CSGALNACT1: variants seen among roughly 807,000 people sequenced by gnomAD.
The protein encoded by CSGALNACT1 is beta4GalNAcT-1.
A neutral mutation model predicts 51.0 loss-of-function variants in CSGALNACT1; 52 were observed. The observed-to-expected ratio is 1.02, with a 90% CI of 0.82 to 1.29. The LOEUF (loss-of-function observed/expected upper bound fraction) is 1.29, where lower values mean the gene tolerates loss of function less well. Among genes scored for constraint, CSGALNACT1 ranks in the 50% most tolerant of loss-of-function variants. The pLI is 0.00. For synonymous variants in CSGALNACT1, 341 were observed against 254.4 expected (o/e 1.34, Z -3.24); for missense variants, 935 against 679.2 (o/e 1.38, Z -4.19).
chr8:19,727,861 C>A lies in CSGALNACT1; in HGVS notation c.-297+29989G>T, dbSNP rs111255909. 7.6e-3 allele frequency among the ~76,000 whole-genome samples: 1,155 copies of A among 152,240 alleles called. 14 individuals are homozygous for A. The highest frequency in any genetic ancestry group is 0.026 in the African/African-American group (1,086 of 41,534). On this transcript the variant is annotated intron_variant, in intron 1 of 1. Coordinates refer to the CSGALNACT1 transcript ENST00000517494. ...TGCCTCTGCCCTGAGGCCTCCTAGGCCTGCTCACCTGGAATGCTCCCCTCA... is the reference window on the plus strand; with the variant it reads ...TGCCTCTGCCCTGAGGCCTCCTAGGACTGCTCACCTGGAATGCTCCCCTCA...
At chr8:19,473,398 G>GT (rs2153877373) in intron 4 of CSGALNACT1, among the ~76,000 whole-genome samples, 1 of 152,222 alleles carries the variant, frequency 6.6e-6, no homozygotes, top group African/African-American at 2.4e-5. Flanking sequence ...ACCCTGCCTT[G>GT]TATAACACCT....
intron 1 of CSGALNACT1, among the ~76,000 whole-genome samples, chr8:19,688,012 T>A (rs538292247): frequency 6.6e-6 from 1 of 152,312 alleles, no homozygotes; most frequent in South Asian, 2.1e-4. Context: ...ATTTACCGTT[T>A]AGAATCTACT....
chr8:19,453,498 T>C (rs1267433712), intron 5 of CSGALNACT1, among the ~76,000 whole-genome samples: 1 of 152,142 alleles, frequency 6.6e-6, no homozygotes, highest in Non-Finnish European at 1.5e-5. Flanking sequence ...ATTGTGTCCA[T>C]GAAACAGAGA....
chr8:19,443,351 T>G (rs1371244781), intron 5 of CSGALNACT1, among the ~76,000 whole-genome samples: 3 of 152,230 alleles, frequency 2.0e-5, no homozygotes, highest in Admixed American at 1.3e-4. Context: ...TACACATATA[T>G]GCATATATTA....
At chr8:19,480,279 G>A (rs898249607) in intron 4 of CSGALNACT1, among the ~76,000 whole-genome samples, 3 of 152,080 alleles carry the variant, frequency 2.0e-5, no homozygotes, top group African/African-American at 7.2e-5. Flanking sequence ...CACCCTCAGA[G>A]GTAGGCACCA....
chr8:19,633,335 C>T (rs1201379783), intron 1 of CSGALNACT1, among the ~76,000 whole-genome samples: 2 of 152,112 alleles, frequency 1.3e-5, no homozygotes. Context: ...AACCATACTA[C>T]TCTCACCCAC....
rs941721024 is a variant in CSGALNACT1, at chr8:19,446,339, A to G, written c.852-6408T>C. 8.5e-5 allele frequency among the ~76,000 whole-genome samples: 13 copies of G among 152,102 alleles called. No individual in the cohort carries two copies. In the Middle Eastern group the frequency reaches 0.01, roughly 119 times the overall value. ...CCTCTGATAGCACTTCTCTATAAAC[A>G]CCTTGGTAAAATTGTCTACGAAGCC... On this transcript the variant is annotated intron_variant, in intron 5 of 9. Coordinates refer to ENST00000454498, the Ensembl canonical transcript of CSGALNACT1.
At chr8:19,428,946 G>C (rs942272623) in intron 6 of CSGALNACT1, among the ~76,000 whole-genome samples, 1 of 151,446 alleles carries the variant, frequency 6.6e-6, no homozygotes, top group Non-Finnish European at 1.5e-5. Context: ...ATTTTAAAGT[G>C]TATAAATCAG....
intron 3 of CSGALNACT1, among the ~76,000 whole-genome samples, chr8:19,556,072 A>T (rs902716129): frequency 6.6e-6 from 1 of 152,192 alleles, no homozygotes; most frequent in Admixed American, 6.5e-5. Flanking sequence ...TTGCATTAAC[A>T]AACAACATAA....
At chr8:19,418,807 T>C (rs2057375715) in intron 7 of CSGALNACT1, 57 bp from the exon 7 acceptor site, 5 of 1,257,944 alleles carry the variant, frequency 4.0e-6, no homozygotes, top group Non-Finnish European at 5.8e-6. Context: ...AGTAGGTTTG[T>C]TCCTTGACAT....
At chr8:19,710,726 A>G (rs2154231609) in intron 1 of CSGALNACT1, among the ~76,000 whole-genome samples, 1 of 152,332 alleles carries the variant, frequency 6.6e-6, no homozygotes, top group East Asian at 1.9e-4. Flanking sequence ...GAAATTGAGT[A>G]GAAACCCTAT....
At chr8:19,580,356 C>A (rs1187037989) in intron 3 of CSGALNACT1, among the ~76,000 whole-genome samples, 1 of 152,190 alleles carries the variant, frequency 6.6e-6, no homozygotes, top group African/African-American at 2.4e-5. Context: ...GACTTTATGA[C>A]CATGGCACTC....
At chr8:19,731,920 G>T (rs756523891) in intron 1 of CSGALNACT1, among the ~76,000 whole-genome samples, 1 of 152,276 alleles carries the variant, frequency 6.6e-6, no homozygotes, top group East Asian at 1.9e-4. Context: ...CTGTCAGGCC[G>T]TGCTGCAACT....
At chr8:19,665,378 T>C (rs895191343) in intron 1 of CSGALNACT1, among the ~76,000 whole-genome samples, 1 of 152,158 alleles carries the variant, frequency 6.6e-6, no homozygotes, top group Admixed American at 6.5e-5. Flanking sequence ...ACACAGTATT[T>C]TAAGTGGTTA....
chr8:19,597,659 A>G (rs1222867074), intron 2 of CSGALNACT1, among the ~76,000 whole-genome samples: 3 of 152,164 alleles, frequency 2.0e-5, no homozygotes, highest in Admixed American at 2.0e-4. Context: ...CCGGAGTCCG[A>G]TCCCTTGCCT....
At chr8:19,425,447 G>A (rs942469665) in intron 6 of CSGALNACT1, among the ~76,000 whole-genome samples, 5 of 152,162 alleles carry the variant, frequency 3.3e-5, no homozygotes, top group Admixed American at 3.3e-4. Flanking sequence ...CTCCTTTTAT[G>A]TGTGTTCATT....
At chr8:19,514,159 G>T (rs537158517) in intron 3 of CSGALNACT1, among the ~76,000 whole-genome samples, 3 of 152,200 alleles carry the variant, frequency 2.0e-5, no homozygotes, top group East Asian at 1.9e-4. Context: ...ACTAAGAGGT[G>T]CTTGAGCCAA....
chr8:19,428,527 C>T (rs1205917235), intron 6 of CSGALNACT1, among the ~76,000 whole-genome samples: 2 of 152,090 alleles, frequency 1.3e-5, no homozygotes, highest in Admixed American at 1.3e-4. Flanking sequence ...TCCCACAACA[C>T]GTGGGAATTA....
intron 3 of CSGALNACT1, among the ~76,000 whole-genome samples, chr8:19,514,489 A>G (rs1292980000): frequency 1.4e-4 from 12 of 85,786 alleles, no homozygotes; most frequent in Admixed American, 1.0e-3. Context: ...ATATATATAT[A>G]TATATATATA....
Sources: allele counts gnomAD v4.1 joint callset (sites outside exome capture counted in the v4.1 genomes callset), GRCh38; gene constraint gnomAD v4.1.1; transcripts MANE v1.5; gene names NCBI Gene and HGNC (gene_info 2026-07-23, HGNC 2026-07-21).